The following CNIH3 variants were observed in gnomAD, a reference collection of about 807,000 sequenced individuals.
CNIH3 encodes protein cornichon homolog 3.
Under a neutral mutation model 24.1 loss-of-function variants are expected in CNIH3, and 14 were observed. The ratio of observed to expected loss-of-function variants is 0.58; its 90% CI spans 0.38 to 0.91. The LOEUF (loss-of-function observed/expected upper bound fraction) is 0.91. CNIH3 is among the 40% of genes least tolerant of loss of function. The probability of loss-of-function intolerance (pLI) is 0.00; values close to 1 mark genes in which losing one functional copy is unlikely to be tolerated. For synonymous variants in CNIH3, 68 were observed against 73.8 expected (o/e 0.92, Z 0.40); for missense variants, 178 against 196.8 (o/e 0.90, Z 0.57).
At chr1:224,575,687 A>G (rs549103134) in intron 4 of CNIH3, among the ~76,000 whole-genome samples, 1 of 152,138 alleles carries the variant, frequency 6.6e-6, no homozygotes, top group African/African-American at 2.4e-5. Flanking sequence ...CTGAGTTTTG[A>G]CTGCTTGGAA....
At chr1:224,438,905 T>G (rs1674778325) in intron 1 of CNIH3, among the ~76,000 whole-genome samples, 1 of 152,218 alleles carries the variant, frequency 6.6e-6, no homozygotes, top group South Asian at 2.1e-4. Flanking sequence ...GTTGAAATAT[T>G]TTAAAATAAA....
intron 3 of CNIH3, among the ~76,000 whole-genome samples, chr1:224,556,643 C>T (rs1485040912): frequency 2.6e-5 from 4 of 152,156 alleles, no homozygotes; most frequent in Non-Finnish European, 5.9e-5. Context: ...AATGTACAAC[C>T]CAGATCCCTT....
chr1:224,510,508 G>A (rs1445284135), intron 1 of CNIH3, among the ~76,000 whole-genome samples: 1 of 150,430 alleles, frequency 6.6e-6, no homozygotes, highest in African/African-American at 2.5e-5. Context: ...GAGGCAGGAG[G>A]CTTATTTGAG....
intron 1 of CNIH3, among the ~76,000 whole-genome samples, chr1:224,483,474 C>T (rs762604936): frequency 1.6e-4 from 25 of 152,036 alleles, no homozygotes; most frequent in Non-Finnish European, 2.9e-4. Flanking sequence ...CCGCAACCTC[C>T]GCCTCCCCAG....
chr1:224,500,925 C>A (rs1054272436), intron 1 of CNIH3, among the ~76,000 whole-genome samples: 1 of 152,174 alleles, frequency 6.6e-6, no homozygotes, highest in African/African-American at 2.4e-5. Flanking sequence ...AAGCAGCCGG[C>A]ATCTGTGCAT....
chr1:224,486,648 C>T (rs1357383339), intron 1 of CNIH3, among the ~76,000 whole-genome samples: 2 of 152,184 alleles, frequency 1.3e-5, no homozygotes, highest in African/African-American at 2.4e-5. Context: ...AGCAAACTAG[C>T]ATCATGTAGT....
At position 224,528,960 on chromosome 1, in the gene CNIH3, C is replaced by T. The variant is rs34493736; in HGVS notation, n.343+7633C>T. On this transcript the variant is annotated intron_variant and non_coding_transcript_variant, in intron 2 of 2. Coordinates refer to the CNIH3 transcript ENST00000470602. Reference sequence around the variant, plus strand: ...GGTTCTTTGCTGTCTTCCTGACAGCCCTTGCCCATGTGCTTATGGTAGGCA... The same window carrying T: ...GGTTCTTTGCTGTCTTCCTGACAGCTCTTGCCCATGTGCTTATGGTAGGCA... 6.6e-3 allele frequency among the ~76,000 whole-genome samples: 1,005 copies of T among 152,262 alleles called. 7 individuals carry two copies. Among genetic ancestry groups the T allele is most frequent in the Non-Finnish European group, 0.01 (699 of 68,028 alleles).
chr1:224,494,964 A>G (rs1293672039), intron 1 of CNIH3, among the ~76,000 whole-genome samples: 1 of 152,146 alleles, frequency 6.6e-6, no homozygotes, highest in Non-Finnish European at 1.5e-5. Context: ...GCTGCGCCTG[A>G]GCCCCCCAAG....
At chr1:224,586,430 C>T (rs1449528602) in intron 5 of CNIH3, among the ~76,000 whole-genome samples, 1 of 152,128 alleles carries the variant, frequency 6.6e-6, no homozygotes, top group Non-Finnish European at 1.5e-5. Flanking sequence ...ATCATGAGAA[C>T]AGCATGGGAA....
chr1:224,593,051 T>C (rs933595479), downstream of CNIH3, among the ~76,000 whole-genome samples: 4 of 151,866 alleles, frequency 2.6e-5, no homozygotes, highest in African/African-American at 9.7e-5. Context: ...TTACTCTGTC[T>C]CCCTGGCCTG....
At chr1:224,447,575 C>T (rs1220971012) in intron 1 of CNIH3, among the ~76,000 whole-genome samples, 1 of 152,162 alleles carries the variant, frequency 6.6e-6, no homozygotes, top group Non-Finnish European at 1.5e-5. Flanking sequence ...CAAGTTGGCA[C>T]CTAAAATTAA....
chr1:224,530,115 T>C (rs1227225628), intron 2 of CNIH3, among the ~76,000 whole-genome samples: 2 of 152,218 alleles, frequency 1.3e-5, no homozygotes, highest in South Asian at 2.1e-4. Context: ...GTCTGGAACC[T>C]GGGCAAAGCT....
chr1:224,573,526 G>A (rs1202198555), intron 4 of CNIH3, among the ~76,000 whole-genome samples: 1 of 152,160 alleles, frequency 6.6e-6, no homozygotes, highest in Non-Finnish European at 1.5e-5. Context: ...ATCAATAGGA[G>A]GGAGTCCAAG....
At chr1:224,480,021 A>G (rs547075605) in intron 1 of CNIH3, among the ~76,000 whole-genome samples, 58 of 152,248 alleles carry the variant, frequency 3.8e-4, no homozygotes, top group African/African-American at 1.4e-3. Context: ...GTGGTTCTCT[A>G]TGAGGGCCCT....
intron 1 of CNIH3, among the ~76,000 whole-genome samples, chr1:224,618,328 C>T (rs2125062743): frequency 6.6e-6 from 1 of 152,286 alleles, no homozygotes; most frequent in South Asian, 2.1e-4. Context: ...ACAGCCTTGC[C>T]CTGCCCAGCG....
At chr1:224,525,483 C>T (rs1208196376) in intron 2 of CNIH3, among the ~76,000 whole-genome samples, 1 of 152,224 alleles carries the variant, frequency 6.6e-6, no homozygotes, top group African/African-American at 2.4e-5. Context: ...AGACCTTCCA[C>T]AGTCAGGGTG....
chr1:224,435,074 C>T (rs1283785116), intron 1 of CNIH3: 3 of 985,500 alleles, frequency 3.0e-6, no homozygotes, highest in East Asian at 1.1e-4. Flanking sequence ...AGCCGCCCTC[C>T]GAAGCCGGGC....
At chr1:224,662,444 A>T (rs765390424) in intron 1 of CNIH3, among the ~76,000 whole-genome samples, 2 of 152,232 alleles carry the variant, frequency 1.3e-5, no homozygotes, top group Admixed American at 1.3e-4. Context: ...CTTATAAAAA[A>T]AAATCACACA....
intron 5 of CNIH3, among the ~76,000 whole-genome samples, chr1:224,587,604 A>G (rs1159808031): frequency 6.6e-6 from 1 of 152,188 alleles, no homozygotes; most frequent in Non-Finnish European, 1.5e-5. Flanking sequence ...TGAAAAATTT[A>G]AGATCTGTGT....
Sources: allele counts gnomAD v4.1 joint callset (sites outside exome capture counted in the v4.1 genomes callset), GRCh38; gene constraint gnomAD v4.1.1; transcripts MANE v1.5; gene names NCBI Gene and HGNC (gene_info 2026-07-23, HGNC 2026-07-21).